The following OR52N4 variants were observed in gnomAD, a reference collection of about 807,000 sequenced individuals.
OR52N4 encodes olfactory receptor family 52 subfamily N member 4.
A neutral mutation model predicts 15.0 loss-of-function variants in OR52N4; 15 were observed. The observed-to-expected ratio is 1.00, with a 90% CI of 0.67 to 1.54. The LOEUF is 1.54. Ranked by LOEUF, OR52N4 falls within the 40% of genes most tolerant of loss-of-function variation. The pLI, the probability that OR52N4 is intolerant of heterozygous loss-of-function variation, is 0.00. For missense variants in OR52N4, 421 were observed against 394.0 expected (o/e 1.07, Z -0.58); for synonymous variants, 143 against 143.7 (o/e 1.00, Z 0.03).
chr11:5,754,972 A>G lies in OR52N4; in HGVS notation c.232A>G (p.Ser78Gly). ...LSFTDLVMCS[S>G]TIPKALCIFW... ...CTTTACTGACCTTGTTATGTGCTCT[A>G]GTACAATCCCTAAAGCCCTCTGCAT... is the stretch of plus-strand genomic sequence containing the variant. The change falls in exon 2 of 2, where the codon AGT becomes GGT. Residue 78 changes from serine to glycine, a missense_variant. Ser to Gly is a moderately conservative substitution (Grantham distance 56, BLOSUM62 0). Coordinates refer to ENST00000641350, the MANE Select transcript of OR52N4 (RefSeq NM_001005175.5). The G allele has an allele frequency of 1.2e-6, 2 of 1,613,860 alleles. No homozygotes were observed. The highest frequency in any genetic ancestry group is 1.7e-6 in the Non-Finnish European group (2 of 1,179,852).
At chr11:5,753,988 C>CAA (rs60504408), upstream of OR52N4, among the ~76,000 whole-genome samples, 893 of 79,626 alleles carry the variant, frequency 0.011, 31 homozygotes, top group African/African-American at 0.042. Flanking sequence ...GACTCTGCCT[C>CAA]AAAAAAAAAA....
the OR52N4 span, chr11:5,736,820 A>T: frequency 6.2e-7 from 1 of 1,613,968 alleles, no homozygotes; most frequent in African/African-American, 1.3e-5. Flanking sequence ...CAAGGTTATT[A>T]GCCTCCCTGA....
the OR52N4 span, among the ~76,000 whole-genome samples, chr11:5,727,746 C>A: frequency 6.6e-6 from 1 of 152,136 alleles, no homozygotes; most frequent in African/African-American, 2.4e-5. Context: ...TTAGAAGAGT[C>A]CCTGCATAGC....
chr11:5,742,404 CA>C, the OR52N4 span, among the ~76,000 whole-genome samples: 6 of 152,160 alleles, frequency 3.9e-5, no homozygotes, highest in African/African-American at 1.4e-4. Context: ...AGATGAACAT[CA>C]CCAAGGCATA....
the OR52N4 span, among the ~76,000 whole-genome samples, chr11:5,729,114 ATTTT>A: frequency 2.4e-4 from 20 of 82,914 alleles, no homozygotes; most frequent in African/African-American, 6.7e-4. Flanking sequence ...TTAAATTGAG[ATTTT>A]TTTTTTTTTT....
the OR52N4 span, among the ~76,000 whole-genome samples, chr11:5,739,584 A>T: frequency 8.8e-6 from 1 of 113,672 alleles, no homozygotes; most frequent in Non-Finnish European, 1.9e-5. Flanking sequence ...AAAAAAAACC[A>T]TGATAAGTGG....
At chr11:5,742,250 T>C in the OR52N4 span, among the ~76,000 whole-genome samples, 4 of 152,096 alleles carry the variant, frequency 2.6e-5, no homozygotes, top group Admixed American at 2.0e-4. Context: ...CTCTGAGGTA[T>C]AGGCATTCCT....
At position 5,755,688 on chromosome 11, in the gene OR52N4, C is replaced by A; in HGVS notation, c.948C>A (p.Thr316=). Residue 316 remains threonine, a synonymous_variant, in exon 2 of 2, where the codon ACC becomes ACA. Transcript: ENST00000641350. The part of the protein sequence containing the change: ...VIRILSGSKD[T]KSYSM Reference sequence around the variant, plus strand: ...GGATCCTTTCAGGTTCTAAGGATACCAAATCCTACAGCATGTGAATGAACA... The same window carrying A: ...GGATCCTTTCAGGTTCTAAGGATACAAAATCCTACAGCATGTGAATGAACA... 17 of 1,612,960 alleles carry A rather than the reference C, an allele frequency of 1.1e-5. No homozygotes were observed. The highest frequency in any genetic ancestry group is 1.4e-5 in the Non-Finnish European group (17 of 1,179,370).
At chr11:5,741,042 A>C in the OR52N4 span, among the ~76,000 whole-genome samples, 6 of 78,356 alleles carry the variant, frequency 7.7e-5, 1 homozygote, top group East Asian at 2.7e-3. Context: ...ATGAGAGCTA[A>C]CACTCTCATG....
Position 5,754,714 on chromosome 11 carries a change from G to T in OR52N4, c.-27G>T. The T allele has an allele frequency of 6.5e-7, 1 of 1,548,852 alleles. No individual in the cohort carries two copies. The highest frequency in any genetic ancestry group is 8.7e-7 in the Non-Finnish European group (1 of 1,149,268). On this transcript the variant is annotated 5_prime_UTR_variant, in exon 2 of 2. Transcript: ENST00000641350. The stretch of plus-strand genomic sequence containing the variant: ...CTAGGAAAGCCCAGACAAATTTTGA[G>T]CTATTTCATAACCTACCAGACTTAT...
At chr11:5,735,406 A>T in the OR52N4 span, among the ~76,000 whole-genome samples, 120,094 of 151,964 alleles carry the variant, frequency 0.79, 48,085 homozygotes, top group Non-Finnish European at 0.86. Flanking sequence ...TGTAATAATA[A>T]AGTATTGTAT....
the OR52N4 span, chr11:5,736,877 T>A: frequency 6.2e-7 from 1 of 1,613,966 alleles, no homozygotes; most frequent in Non-Finnish European, 8.5e-7. Context: ...GGGCATGGAG[T>A]CTGGTATCCT....
At chr11:5,748,661 T>G in the OR52N4 span, among the ~76,000 whole-genome samples, 6 of 152,078 alleles carry the variant, frequency 3.9e-5, no homozygotes, top group East Asian at 9.6e-4. Context: ...AAACGTTAAT[T>G]GAAAGAAGTA....
chr11:5,740,568 G>A, the OR52N4 span, among the ~76,000 whole-genome samples: 3 of 126,484 alleles, frequency 2.4e-5, no homozygotes, highest in African/African-American at 8.5e-5. Flanking sequence ...TTAGTATTCT[G>A]GGAGGTTGAG....
At chr11:5,732,856 T>C in the OR52N4 span, among the ~76,000 whole-genome samples, 1 of 152,174 alleles carries the variant, frequency 6.6e-6, no homozygotes, top group Admixed American at 6.5e-5. Context: ...CTCATATTGG[T>C]CATGACCTCA....
chr11:5,744,894 C>A, the OR52N4 span, among the ~76,000 whole-genome samples: 3 of 152,248 alleles, frequency 2.0e-5, no homozygotes, highest in South Asian at 6.2e-4. Flanking sequence ...GCACTCCAGC[C>A]TGCACAACAG....
the OR52N4 span, among the ~76,000 whole-genome samples, chr11:5,728,956 T>C: frequency 1.3e-5 from 2 of 152,194 alleles, no homozygotes; most frequent in East Asian, 3.9e-4. Context: ...TTGTTACATA[T>C]GTATACATGA....
chr11:5,729,370 T>C, the OR52N4 span, among the ~76,000 whole-genome samples: 3 of 152,126 alleles, frequency 2.0e-5, no homozygotes, highest in Non-Finnish European at 4.4e-5. Flanking sequence ...TCCGCCTGCC[T>C]CAGCCTCCCA....
the OR52N4 span, among the ~76,000 whole-genome samples, chr11:5,731,212 G>A: frequency 2.6e-5 from 4 of 152,204 alleles, no homozygotes; most frequent in African/African-American, 9.6e-5. Flanking sequence ...AGGACATTGA[G>A]GAATTACTGC....
Sources: allele counts gnomAD v4.1 joint callset (sites outside exome capture counted in the v4.1 genomes callset), GRCh38; gene constraint gnomAD v4.1.1; transcripts MANE v1.5; gene names NCBI Gene and HGNC (gene_info 2026-07-23, HGNC 2026-07-21).